The following HPSE2 variants were observed in gnomAD, a reference collection of about 807,000 sequenced individuals.
The protein encoded by HPSE2 is inactive heparanase-2.
HPSE2 carries 38 observed loss-of-function variants against 60.5 expected under a neutral mutation model. The ratio of observed to expected loss-of-function variants is 0.63; its 90% CI spans 0.48 to 0.82. HPSE2 has a LOEUF of 0.82. Among genes scored for constraint, HPSE2 ranks in the 40% least tolerant of loss-of-function variants. HPSE2 has a pLI of 0.00. For synonymous variants in HPSE2, 295 were observed against 293.2 expected, an observed-to-expected ratio of 1.01 and a Z score of -0.06; for missense variants, 713 against 740.4, an observed-to-expected ratio of 0.96 and a Z score of 0.43.
chr10:98,712,070 G>A (rs1196921645), intron 5 of HPSE2, among the ~76,000 whole-genome samples: 7 of 151,940 alleles, frequency 4.6e-5, no homozygotes, highest in Non-Finnish European at 8.8e-5. Context: ...GGAAAGAAGA[G>A]GGAACAGAGG....
intron 3 of HPSE2, among the ~76,000 whole-genome samples, chr10:99,014,161 C>T (rs529610338): frequency 6.6e-6 from 1 of 152,368 alleles, no homozygotes; most frequent in African/African-American, 2.4e-5. Context: ...ACACACTCAC[C>T]TGGCTCGTGG....
chr10:98,464,908 C>T (rs941314023), intron 11 of HPSE2, among the ~76,000 whole-genome samples: 2 of 152,182 alleles, frequency 1.3e-5, no homozygotes, highest in African/African-American at 2.4e-5. Flanking sequence ...TCCAACCTGA[C>T]ATAAGACCAT....
At chr10:99,267,443 A>T in the HPSE2 span, among the ~76,000 whole-genome samples, 3 of 151,784 alleles carry the variant, frequency 2.0e-5, no homozygotes, top group East Asian at 1.9e-4. Context: ...AAGAAAAAAA[A>T]TTTTTTTTAA....
chr10:98,607,035 G>T lies in HPSE2; in HGVS notation c.1320+7869C>A, dbSNP rs371063240. On this transcript the variant is annotated intron_variant, in intron 9 of 11. Transcript: ENST00000370552. Reference sequence around the variant, plus strand: ...GGACATTTCTTTTTTTCCTCTTCCTGCTTTCCTTTCTTTTTCTTTCTCCCT... The same window carrying T: ...GGACATTTCTTTTTTTCCTCTTCCTTCTTTCCTTTCTTTTTCTTTCTCCCT... Among the ~76,000 whole-genome samples the T allele has an allele frequency of 2.7e-3, 413 of 150,238 alleles. 2 individuals carry two copies. The highest frequency in any genetic ancestry group is 9.7e-3 in the African/African-American group (397 of 40,884).
At chr10:99,115,700 A>C (rs1310689269) in intron 3 of HPSE2, among the ~76,000 whole-genome samples, 1 of 152,124 alleles carries the variant, frequency 6.6e-6, no homozygotes, top group Non-Finnish European at 1.5e-5. Flanking sequence ...TTTTCTGATC[A>C]TATGTATAAA....
At position 98,953,766 on chromosome 10, in the gene HPSE2, C is replaced by T. The variant is rs1056708830; in HGVS notation, c.610+190472G>A. 3.9e-5 allele frequency among the ~76,000 whole-genome samples: 6 copies of T among 152,182 alleles called. No individual in the cohort carries two copies. In the East Asian group the frequency reaches 1.2e-3, roughly 29 times the overall value. ...GGTTAAAAACACAGGCTTTAGAGCTCAATAAACCTAGGTCTTCACCTCGGC... is the reference window on the plus strand; with the variant it reads ...GGTTAAAAACACAGGCTTTAGAGCTTAATAAACCTAGGTCTTCACCTCGGC... On this transcript the variant is annotated intron_variant, in intron 3 of 11. Coordinates refer to ENST00000370552, the MANE Select transcript of HPSE2 (RefSeq NM_021828.5).
chr10:99,168,712 G>A (rs1007665165), intron 2 of HPSE2, among the ~76,000 whole-genome samples: 2 of 152,128 alleles, frequency 1.3e-5, no homozygotes, highest in Non-Finnish European at 2.9e-5. Flanking sequence ...TTGCAGGTAG[G>A]GTGAAACCTC....
intron 9 of HPSE2, among the ~76,000 whole-genome samples, chr10:98,535,194 G>T (rs1216594387): frequency 6.6e-6 from 1 of 152,090 alleles, no homozygotes; most frequent in Non-Finnish European, 1.5e-5. Flanking sequence ...TTTATTTTCA[G>T]ATTTTAAAAA....
chr10:98,469,020 G>A (rs946298006), intron 11 of HPSE2, among the ~76,000 whole-genome samples: 1 of 152,154 alleles, frequency 6.6e-6, no homozygotes, highest in African/African-American at 2.4e-5. Context: ...AAGGAGAGCT[G>A]GGGGTTTTGT....
chr10:99,145,903 C>G (rs990897004), intron 2 of HPSE2, among the ~76,000 whole-genome samples: 1 of 152,034 alleles, frequency 6.6e-6, no homozygotes, highest in Non-Finnish European at 1.5e-5. Context: ...GTGTGGCACA[C>G]AAAGATAAGC....
At chr10:98,796,152 G>A (rs1950774956) in intron 3 of HPSE2, among the ~76,000 whole-genome samples, 1 of 152,230 alleles carries the variant, frequency 6.6e-6, no homozygotes, top group African/African-American at 2.4e-5. Context: ...AAAGTAAAGA[G>A]GACTTTGTCT....
rs540080943 is a variant in HPSE2, at chr10:99,063,766, G to C, written c.610+80472C>G. ...ATATAAATGTGCTTATATGTGCATA[G>C]AAATATAAATATATGTTCATATGTG... is the stretch of plus-strand genomic sequence containing the variant. On this transcript the variant is annotated intron_variant, in intron 3 of 11. Transcript: ENST00000370552. 3.9e-5 allele frequency among the ~76,000 whole-genome samples: 6 copies of C among 152,234 alleles called. No individual in the cohort carries two copies. The East Asian group carries it at 1.2e-3, about 29-fold the overall frequency.
At chr10:99,167,854 G>T (rs1231995558) in intron 2 of HPSE2, among the ~76,000 whole-genome samples, 4 of 151,836 alleles carry the variant, frequency 2.6e-5, no homozygotes, top group Non-Finnish European at 5.9e-5. Flanking sequence ...TAATAATACT[G>T]AGTCTTCTAA....
chr10:99,006,428 G>C (rs1054157354), intron 3 of HPSE2, among the ~76,000 whole-genome samples: 2 of 152,160 alleles, frequency 1.3e-5, no homozygotes, highest in Admixed American at 6.5e-5. Flanking sequence ...ATCTTGCCTT[G>C]TATCTGATGC....
At chr10:99,067,435 T>G (rs1842651581) in intron 3 of HPSE2, among the ~76,000 whole-genome samples, 1 of 152,246 alleles carries the variant, frequency 6.6e-6, no homozygotes, top group African/African-American at 2.4e-5. Context: ...AGCAAAATTC[T>G]GCCTGGACAT....
the HPSE2 span, among the ~76,000 whole-genome samples, chr10:99,288,866 G>C: frequency 2.0e-5 from 3 of 151,806 alleles, no homozygotes; most frequent in Admixed American, 2.0e-4. Context: ...AAATCAGCCA[G>C]GTAATTCTCA....
chr10:99,088,938 T>C (rs1175820193), intron 3 of HPSE2, among the ~76,000 whole-genome samples: 1 of 152,186 alleles, frequency 6.6e-6, no homozygotes, highest in African/African-American at 2.4e-5. Context: ...ATTAATGAGG[T>C]TGAACATTTT....
chr10:99,263,916 G>T, the HPSE2 span, among the ~76,000 whole-genome samples: 8 of 151,936 alleles, frequency 5.3e-5, no homozygotes. Flanking sequence ...GATGATCTTT[G>T]CTGACAGGAC....
chr10:98,585,148 T>C (rs11189694), intron 9 of HPSE2, among the ~76,000 whole-genome samples: 84,793 of 152,056 alleles, frequency 0.56, 23,851 homozygotes, highest in Admixed American at 0.6. Context: ...ATGACCAGGA[T>C]GACTTAAATC....
Sources: gnomAD v4.1 joint callset for allele counts (sites outside exome capture counted in the v4.1 genomes callset) on GRCh38, gnomAD v4.1.1 for gene constraint, MANE v1.5 for transcripts, NCBI Gene and HGNC (gene_info 2026-07-23, HGNC 2026-07-21) for gene names.